RYR3: variants seen among roughly 807,000 people sequenced by gnomAD.
RYR3 encodes the protein ryanodine receptor 3, also known as brain ryanodine receptor-calcium release channel.
Under a neutral mutation model 584.3 loss-of-function variants are expected in RYR3, and 207 were observed. The observed-to-expected ratio is 0.35, with a 90% CI of 0.32 to 0.40. RYR3 has a LOEUF of 0.40. Among genes scored for constraint, RYR3 ranks in the 10% least tolerant of loss-of-function variants. RYR3 has a pLI of 1.00. For missense variants in RYR3, 5,616 were observed against 6,089.2 expected (o/e 0.92, Z 2.59); for synonymous variants, 2,416 against 2,248.5 (o/e 1.07, Z -2.11).
rs141392872 is a variant in RYR3 at position 33,480,212 on chromosome 15, C to T, written c.171+6674C>T. ...AGCACAGTGCTTAATAAACTTGACC[C>T]TGGAGTCAGACTGCCTGGACTGGTA... is the stretch of plus-strand genomic sequence containing the variant. On this transcript the variant is annotated intron_variant, in intron 2 of 103. Transcript: ENST00000634891. Among the ~76,000 whole-genome samples, 11 of 152,340 alleles carry T rather than the reference C, an allele frequency of 7.2e-5. No homozygotes were observed. In the East Asian group the frequency reaches 2.1e-3, roughly 29 times the overall value.
intron 69 of RYR3, among the ~76,000 whole-genome samples, chr15:33,805,624 C>T (rs770630614): frequency 1.1e-4 from 16 of 151,914 alleles, no homozygotes; most frequent in East Asian, 3.9e-4. Context: ...ACTACAGGTG[C>T]CCGCCACCAC....
chr15:33,803,444 A>G (rs1356219775), intron 69 of RYR3, among the ~76,000 whole-genome samples: 2 of 152,198 alleles, frequency 1.3e-5, no homozygotes, highest in Non-Finnish European at 2.9e-5. Flanking sequence ...GTCTTCTTAC[A>G]GGTATCACAG....
chr15:33,347,682 C>T (rs576430491), intron 1 of RYR3, among the ~76,000 whole-genome samples: 1 of 152,038 alleles, frequency 6.6e-6, no homozygotes, highest in Non-Finnish European at 1.5e-5. Context: ...CTCCTGACCT[C>T]GTGATCCGCC....
chr15:33,360,015 A>G (rs1326671246), intron 1 of RYR3, among the ~76,000 whole-genome samples: 1 of 151,884 alleles, frequency 6.6e-6, no homozygotes, highest in Non-Finnish European at 1.5e-5. Flanking sequence ...AATTGAATCT[A>G]TTTTTATGCA....
At chr15:33,802,728 G>A (rs2075985467) in intron 69 of RYR3, among the ~76,000 whole-genome samples, 1 of 152,184 alleles carries the variant, frequency 6.6e-6, no homozygotes, top group Non-Finnish European at 1.5e-5. Flanking sequence ...TTTGTTACCA[G>A]CTGTTATGAC....
At chr15:33,528,480 C>T (rs1398730680) in intron 3 of RYR3, among the ~76,000 whole-genome samples, 1 of 152,198 alleles carries the variant, frequency 6.6e-6, no homozygotes, top group East Asian at 1.9e-4. Context: ...ACCTCTTTAT[C>T]CTCCTAGTCT....
chr15:33,385,251 T>A (rs767488209), intron 1 of RYR3, among the ~76,000 whole-genome samples: 1 of 152,222 alleles, frequency 6.6e-6, no homozygotes, highest in Non-Finnish European at 1.5e-5. Flanking sequence ...TTGGCAGAAT[T>A]GAATTAGAGC....
At position 33,597,486 on chromosome 15, in the gene RYR3, C is replaced by T. The variant is rs934463717; in HGVS notation, c.1789-3933C>T. Among the ~76,000 whole-genome samples, 16 of 152,178 alleles carry T rather than the reference C, an allele frequency of 1.1e-4. No individual in the cohort carries two copies. The East Asian group carries it at 1.2e-3, about 11-fold the overall frequency. ...AAAAAATTAGCTGGGTTGTGGGCGC[C>T]TGTATTCCCAGCTACTCAGGAGGCT... On this transcript the variant is annotated intron_variant, in intron 16 of 103. Transcript: ENST00000634891.
chr15:33,476,819 C>T (rs2049426047), intron 2 of RYR3, among the ~76,000 whole-genome samples: 1 of 152,160 alleles, frequency 6.6e-6, no homozygotes, highest in Non-Finnish European at 1.5e-5. Flanking sequence ...TCAGGGTTCT[C>T]ACAGAGAAAC....
rs757627444 is a variant in RYR3, at chr15:33,788,237, C to A, written c.9609C>A (p.Ile3203=). 1.2e-6 allele frequency: 2 copies of A among 1,613,970 alleles called. No homozygotes were observed. Among genetic ancestry groups the A allele is most frequent in the Admixed American group, 1.7e-5 (1 of 60,030 alleles). Residue 3203 remains isoleucine (I), a synonymous_variant, in exon 67 of 104, where the codon ATC becomes ATA. Coordinates refer to ENST00000634891, the MANE Select transcript of RYR3 (RefSeq NM_001036.6). ...ACGCAGTGTATGCACAGCCCATCATCAGCAAAGCCAGGCCCGACCTGCTGA... is the reference window on the plus strand; with the variant it reads ...ACGCAGTGTATGCACAGCCCATCATAAGCAAAGCCAGGCCCGACCTGCTGA... ...KRIAVYAQPI[I]SKARPDLLRS... is the part of the protein sequence containing the mutation.
intron 27 of RYR3, among the ~76,000 whole-genome samples, chr15:33,642,671 A>G (rs1387679166): frequency 6.6e-6 from 1 of 152,232 alleles, no homozygotes; most frequent in African/African-American, 2.4e-5. Context: ...CTTTATTTAT[A>G]AACATCTCTG....
intron 1 of RYR3, among the ~76,000 whole-genome samples, chr15:33,409,347 T>TTA (rs2043237345): frequency 7.1e-6 from 1 of 141,824 alleles, no homozygotes; most frequent in Admixed American, 7.0e-5. Context: ...TCAAAAAATC[T>TTA]AAAAAAAAAA....
intron 32 of RYR3, among the ~76,000 whole-genome samples, chr15:33,656,877 T>G (rs2062848050): frequency 1.3e-5 from 2 of 151,510 alleles, no homozygotes; most frequent in Admixed American, 6.6e-5. Flanking sequence ...GCAGGAAAAC[T>G]CCTGCCTTTA....
intron 1 of RYR3, among the ~76,000 whole-genome samples, chr15:33,464,482 A>G (rs1277622661): frequency 1.1e-5 from 1 of 89,810 alleles, no homozygotes; most frequent in Non-Finnish European, 2.1e-5. Context: ...ATATATATAT[A>G]TATATATACA....
Position 33,675,529 on chromosome 15 carries a change from G to A in RYR3, c.5860+4973G>A, listed in dbSNP as rs528763204. On this transcript the variant is annotated intron_variant, in intron 38 of 103. Coordinates refer to ENST00000634891, the MANE Select transcript of RYR3 (RefSeq NM_001036.6). ...GAGATAGTTATGAGCACAGGGCTCC[G>A]GAGTTAGGCTACCTAGTCTTAAGTT... 1.4e-4 allele frequency among the ~76,000 whole-genome samples: 21 copies of A among 152,244 alleles called. No homozygotes were observed. The Middle Eastern group carries it at 0.01, about 74-fold the overall frequency.
chr15:33,377,300 C>G (rs556210563), intron 1 of RYR3, among the ~76,000 whole-genome samples: 1 of 152,148 alleles, frequency 6.6e-6, no homozygotes, highest in African/African-American at 2.4e-5. Flanking sequence ...TAAACAATGA[C>G]GCAGACACCC....
intron 31 of RYR3, among the ~76,000 whole-genome samples, chr15:33,651,181 A>T (rs146988497): frequency 1.3e-5 from 2 of 152,356 alleles, no homozygotes; most frequent in Non-Finnish European, 2.9e-5. Context: ...TCTTTGTCCT[A>T]TGTAATAAGA....
chr15:33,371,999 A>G (rs932948763), intron 1 of RYR3, among the ~76,000 whole-genome samples: 3 of 152,228 alleles, frequency 2.0e-5, no homozygotes, highest in Non-Finnish European at 4.4e-5. Flanking sequence ...CACTCCAGCC[A>G]AGTAGGCATT....
rs112382892 is a variant in RYR3, at chr15:33,700,077, T to G, written c.6379+244T>G. On this transcript the variant is annotated intron_variant, in intron 41 of 103. Transcript: ENST00000634891. ...GTTTAGTGTTGGCATAGTCGTACAG[T>G]TTTACCTCATCTCTCTTGGGACCAG... 6.8e-3 allele frequency among the ~76,000 whole-genome samples: 1,029 copies of G among 152,334 alleles called. 14 individuals are homozygous for G. The highest frequency in any genetic ancestry group is 0.024 in the African/African-American group (988 of 41,564).
Sources: allele counts gnomAD v4.1 joint callset (sites outside exome capture counted in the v4.1 genomes callset), GRCh38; gene constraint gnomAD v4.1.1; transcripts MANE v1.5; gene names NCBI Gene and HGNC (gene_info 2026-07-23, HGNC 2026-07-21).